The following RFX8 variants were observed in gnomAD, a reference collection of about 807,000 sequenced individuals.
The protein encoded by RFX8 is DNA-binding protein RFX8.
RFX8 carries 46 observed loss-of-function variants against 54.6 expected under a neutral mutation model. That is an observed-to-expected ratio of 0.84 (90% CI 0.67 to 1.08). RFX8 has a LOEUF of 1.08. Ranked by LOEUF, RFX8 falls within the 50% of genes least tolerant of loss-of-function variation. The pLI is 0.00. For missense variants in RFX8, 536 were observed against 562.3 expected (o/e 0.95, Z 0.47); for synonymous variants, 192 against 209.5 (o/e 0.92, Z 0.72).
chr2:101,466,596 G>A (rs893613430), intron 2 of RFX8, among the ~76,000 whole-genome samples, 181 bp downstream of exon 2: 2 of 152,222 alleles, frequency 1.3e-5, no homozygotes, highest in African/African-American at 4.8e-5. Context: ...TGGACAAAGG[G>A]AAGTGGCTAA....
At chr2:101,425,146 G>A (rs1206792726) in intron 2 of RFX8, among the ~76,000 whole-genome samples, 2 of 152,188 alleles carry the variant, frequency 1.3e-5, no homozygotes, top group African/African-American at 4.8e-5. Flanking sequence ...CTGATCATAG[G>A]CGCTCTGTTA....
intron 2 of RFX8, among the ~76,000 whole-genome samples, chr2:101,465,881 C>G (rs1689547534): frequency 6.6e-6 from 1 of 152,094 alleles, no homozygotes; most frequent in Admixed American, 6.5e-5. Context: ...TTAAGGGAAA[C>G]GTCAATAATT....
At chr2:101,441,193 A>T (rs1688082881) in intron 2 of RFX8, among the ~76,000 whole-genome samples, 1 of 152,050 alleles carries the variant, frequency 6.6e-6, no homozygotes. Context: ...GATGGTCTTG[A>T]TCTTCTGACC....
At chr2:101,406,785 T>C (rs967838962) in intron 9 of RFX8, among the ~76,000 whole-genome samples, 5 of 152,144 alleles carry the variant, frequency 3.3e-5, no homozygotes, top group African/African-American at 9.7e-5. Context: ...TCAAATCTGA[T>C]TGTGGAAAAG....
intron 2 of RFX8, chr2:101,452,409 C>T (rs1688734140): frequency 1.4e-6 from 2 of 1,402,650 alleles, no homozygotes; most frequent in Admixed American, 3.2e-5. Context: ...AGTGCCCAGC[C>T]TCCGGGTGCC....
intron 11 of RFX8, among the ~76,000 whole-genome samples, chr2:101,398,148 G>A (rs1285110161): frequency 6.6e-6 from 1 of 152,206 alleles, no homozygotes; most frequent in Non-Finnish European, 1.5e-5. Flanking sequence ...GTGAGCCACA[G>A]CACCCAGCCC....
intron 1 of RFX8, among the ~76,000 whole-genome samples, chr2:101,472,508 C>A (rs1234451216): frequency 9.7e-6 from 1 of 103,134 alleles, no homozygotes; most frequent in South Asian, 3.5e-4. Context: ...CTCCACCCCC[C>A]AACCTTGAAG....
chr2:101,434,829 T>C (rs72825080), intron 2 of RFX8: 7,465 of 152,300 alleles, frequency 0.049, 287 homozygotes, highest in Middle Eastern at 0.082. Context: ...CTTGGACACC[T>C]TATTAGTACC....
chr2:101,457,598 T>C (rs1689048283), intron 2 of RFX8, among the ~76,000 whole-genome samples: 1 of 152,232 alleles, frequency 6.6e-6, no homozygotes, highest in African/African-American at 2.4e-5. Context: ...TCTGTTCTTT[T>C]ACATTTGCTG....
intron 2 of RFX8, among the ~76,000 whole-genome samples, chr2:101,454,014 C>T (rs1003640043): frequency 3.9e-5 from 6 of 152,168 alleles, no homozygotes; most frequent in African/African-American, 1.4e-4. Context: ...TTGTCATTTA[C>T]ATTAGGTATT....
intron 2 of RFX8, among the ~76,000 whole-genome samples, chr2:101,432,923 C>A (rs1687569886): frequency 1.3e-5 from 2 of 152,200 alleles, no homozygotes; most frequent in African/African-American, 2.4e-5. Context: ...GTCCTCAGGT[C>A]ATTTGCATTC....
At chr2:101,468,939 GCAGATTCATATATATAGC>G (rs1689731117) in intron 1 of RFX8, among the ~76,000 whole-genome samples, 1 of 143,946 alleles carries the variant, frequency 6.9e-6, no homozygotes, top group Non-Finnish European at 1.5e-5. Flanking sequence ...TGGGGGAGTG[GCAGATTCATATATATAGC>G]CAGCATATAT....
chr2:101,406,999 AG>A (rs1419846244), intron 9 of RFX8, among the ~76,000 whole-genome samples: 2 of 152,184 alleles, frequency 1.3e-5, no homozygotes, highest in Non-Finnish European at 2.9e-5. Context: ...CCCTCTACCC[AG>A]ACAGAGAGCA....
intron 1 of RFX8, among the ~76,000 whole-genome samples, chr2:101,471,555 G>T (rs898586380): frequency 1.3e-5 from 2 of 152,138 alleles, no homozygotes; most frequent in Non-Finnish European, 2.9e-5. Flanking sequence ...CATGCATTGG[G>T]ATTAGATAAT....
At chr2:101,455,316 C>T (rs1005482752) in intron 2 of RFX8, among the ~76,000 whole-genome samples, 4 of 152,030 alleles carry the variant, frequency 2.6e-5, no homozygotes, top group Non-Finnish European at 4.4e-5. Flanking sequence ...CCTGGCTTGC[C>T]TAGGTTTTCT....
chr2:101,436,270 G>A (rs1403337320), intron 2 of RFX8, among the ~76,000 whole-genome samples: 4 of 152,172 alleles, frequency 2.6e-5, no homozygotes, highest in Admixed American at 6.5e-5. Flanking sequence ...GTGGTAGTGA[G>A]AGAAGTCGCC....
At chr2:101,441,485 G>A (rs1688098520) in intron 2 of RFX8, among the ~76,000 whole-genome samples, 1 of 152,202 alleles carries the variant, frequency 6.6e-6, no homozygotes, top group Non-Finnish European at 1.5e-5. Context: ...GCCACCTCGG[G>A]ACTCTGTAGA....
chr2:101,453,702 T>C (rs958297532), intron 2 of RFX8, among the ~76,000 whole-genome samples: 2 of 152,210 alleles, frequency 1.3e-5, no homozygotes, highest in South Asian at 4.1e-4. Flanking sequence ...AACTTGCATG[T>C]CTACAGTTTT....
At chr2:101,427,192 A>G (rs1018429920) in intron 2 of RFX8, among the ~76,000 whole-genome samples, 2 of 152,096 alleles carry the variant, frequency 1.3e-5, no homozygotes, top group African/African-American at 4.8e-5. Context: ...CACCCCAAAA[A>G]TGTCCACGTC....
Sources: allele counts gnomAD v4.1 joint callset (sites outside exome capture counted in the v4.1 genomes callset), GRCh38; gene constraint gnomAD v4.1.1; transcripts MANE v1.5; gene names NCBI Gene and HGNC (gene_info 2026-07-23, HGNC 2026-07-21).